SCHIP1: variants seen among roughly 807,000 people sequenced by gnomAD.
SCHIP1 encodes the protein schwannomin-interacting protein 1.
Under a neutral mutation model 29.7 loss-of-function variants are expected in SCHIP1, and 8 were observed. That is an observed-to-expected ratio of 0.27 (90% CI 0.16 to 0.49). The LOEUF (loss-of-function observed/expected upper bound fraction) is 0.49, where lower values mean the gene tolerates loss of function less well. Among genes scored for constraint, SCHIP1 ranks in the 20% least tolerant of loss-of-function variants. The pLI is 0.99. For synonymous variants in SCHIP1, 76 were observed against 94.9 expected, an observed-to-expected ratio of 0.80 and a Z score of 1.16; for missense variants, 193 against 294.6, an observed-to-expected ratio of 0.66 and a Z score of 2.52.
chr3:159,625,713 C>A, the SCHIP1 span, among the ~76,000 whole-genome samples: 2 of 152,062 alleles, frequency 1.3e-5, no homozygotes, highest in African/African-American at 4.8e-5. Flanking sequence ...ACTGTTCCAA[C>A]CCACAGCTTC....
the SCHIP1 span, among the ~76,000 whole-genome samples, chr3:159,603,670 T>A: frequency 3.2e-4 from 48 of 152,238 alleles, no homozygotes; most frequent in African/African-American, 9.2e-4. Flanking sequence ...TTCCTGATTA[T>A]TGAATTATTT....
chr3:159,716,666 A>T, the SCHIP1 span, among the ~76,000 whole-genome samples: 17 of 152,250 alleles, frequency 1.1e-4, no homozygotes, highest in Non-Finnish European at 2.2e-4. Flanking sequence ...TGGTAAAGGG[A>T]TCAATTCAAC....
At chr3:159,421,629 T>G in the SCHIP1 span, among the ~76,000 whole-genome samples, 1 of 152,192 alleles carries the variant, frequency 6.6e-6, no homozygotes, top group Admixed American at 6.5e-5. Context: ...CTGGATGGTG[T>G]TTTGGTTTAC....
At chr3:159,795,183 AG>A in the SCHIP1 span, among the ~76,000 whole-genome samples, 1 of 152,174 alleles carries the variant, frequency 6.6e-6, no homozygotes. Context: ...GGTCTGCTAA[AG>A]ACTCTCCGTG....
intron 2 of SCHIP1, among the ~76,000 whole-genome samples, chr3:159,881,109 T>C (rs572054532): frequency 6.6e-6 from 1 of 152,208 alleles, no homozygotes; most frequent in Admixed American, 6.5e-5. Flanking sequence ...AGCGACACCA[T>C]CACACGTGCA....
At chr3:159,692,326 C>A in the SCHIP1 span, among the ~76,000 whole-genome samples, 1 of 152,178 alleles carries the variant, frequency 6.6e-6, no homozygotes, top group Admixed American at 6.5e-5. Context: ...TGTTTTCCAA[C>A]TTGGTTGATT....
At chr3:159,456,957 G>T in the SCHIP1 span, among the ~76,000 whole-genome samples, 1 of 152,064 alleles carries the variant, frequency 6.6e-6, no homozygotes, top group Non-Finnish European at 1.5e-5. Flanking sequence ...TTCACATGGT[G>T]TGTATTTATC....
At chr3:159,745,860 A>C in the SCHIP1 span, among the ~76,000 whole-genome samples, 64 of 152,252 alleles carry the variant, frequency 4.2e-4, 1 homozygote, top group African/African-American at 1.4e-3. Flanking sequence ...TTTTGCCTCT[A>C]TATTTGTTAA....
chr3:159,774,118 G>T, the SCHIP1 span, among the ~76,000 whole-genome samples: 1 of 152,178 alleles, frequency 6.6e-6, no homozygotes, highest in African/African-American at 2.4e-5. Flanking sequence ...AAATACATTT[G>T]GATTTTTATT....
At chr3:159,409,171 AGCTAGTATCACAGT>A in the SCHIP1 span, among the ~76,000 whole-genome samples, 8 of 152,308 alleles carry the variant, frequency 5.3e-5, no homozygotes, top group East Asian at 1.5e-3. Flanking sequence ...ACAAACCCAC[AGCTAGTATCACAGT>A]GAATGAGGAA....
intron 1 of SCHIP1, among the ~76,000 whole-genome samples, chr3:159,865,127 C>T (rs1013194875): frequency 6.6e-6 from 1 of 152,192 alleles, no homozygotes; most frequent in Non-Finnish European, 1.5e-5. Flanking sequence ...TAGCCACACC[C>T]AGTCACATGA....
At chr3:159,757,828 G>A in the SCHIP1 span, among the ~76,000 whole-genome samples, 1 of 152,128 alleles carries the variant, frequency 6.6e-6, no homozygotes, top group Non-Finnish European at 1.5e-5. Flanking sequence ...CTGCTGTGTG[G>A]CACTGACAAT....
At chr3:159,563,730 C>T in the SCHIP1 span, among the ~76,000 whole-genome samples, 1 of 151,896 alleles carries the variant, frequency 6.6e-6, no homozygotes, top group South Asian at 2.1e-4. Flanking sequence ...GAGGCTAAGG[C>T]AACAGAATCA....
the SCHIP1 span, among the ~76,000 whole-genome samples, chr3:159,812,695 T>C: frequency 1.3e-5 from 2 of 152,266 alleles, no homozygotes; most frequent in African/African-American, 4.8e-5. Context: ...ATAAGTGTTA[T>C]TAGCAAAAGG....
chr3:159,735,231 CTT>C, the SCHIP1 span, among the ~76,000 whole-genome samples: 2 of 144,252 alleles, frequency 1.4e-5, no homozygotes, highest in African/African-American at 2.5e-5. Flanking sequence ...CCAATTGCTA[CTT>C]TTTTTTTTTT....
At chr3:159,638,053 G>A in the SCHIP1 span, among the ~76,000 whole-genome samples, 1 of 152,272 alleles carries the variant, frequency 6.6e-6, no homozygotes, top group Middle Eastern at 3.4e-3. Flanking sequence ...GAGTCATGTG[G>A]AATGTGCATT....
chr3:159,623,341 A>G, the SCHIP1 span, among the ~76,000 whole-genome samples: 8 of 152,186 alleles, frequency 5.3e-5, no homozygotes, highest in African/African-American at 1.9e-4. Context: ...AAGTTGTTAT[A>G]ATGTTGTTTG....
intron 2 of SCHIP1, among the ~76,000 whole-genome samples, chr3:159,884,496 A>C (rs937102747): frequency 6.6e-6 from 1 of 152,040 alleles, no homozygotes; most frequent in Non-Finnish European, 1.5e-5. Flanking sequence ...CAGAGAGTTG[A>C]TTCTACATCA....
At chr3:159,542,549 A>G in the SCHIP1 span, among the ~76,000 whole-genome samples, 1 of 152,042 alleles carries the variant, frequency 6.6e-6, no homozygotes, top group African/African-American at 2.4e-5. Context: ...ACCCGTATTC[A>G]TTCCTTTTTA....
Sources: gnomAD v4.1 joint callset for allele counts (sites outside exome capture counted in the v4.1 genomes callset) on GRCh38, gnomAD v4.1.1 for gene constraint, MANE v1.5 for transcripts, NCBI Gene and HGNC (gene_info 2026-07-23, HGNC 2026-07-21) for gene names.